WIF1: variants seen among roughly 807,000 people sequenced by gnomAD.
WIF1 encodes the protein Wnt inhibitory factor 1.
Under a neutral mutation model 53.5 loss-of-function variants are expected in WIF1, and 35 were observed. The ratio of observed to expected loss-of-function variants is 0.65; its 90% CI spans 0.50 to 0.87. The LOEUF is 0.87. WIF1 is among the 40% of genes least tolerant of loss of function. The probability of loss-of-function intolerance (pLI) is 0.00; values close to 1 mark genes in which losing one functional copy is unlikely to be tolerated. For synonymous variants in WIF1, 171 were observed against 170.4 expected (o/e 1.00, Z -0.03); for missense variants, 467 against 476.8 (o/e 0.98, Z 0.19).
intron 2 of WIF1, among the ~76,000 whole-genome samples, chr12:65,118,444 T>C (rs1883545771): frequency 6.6e-6 from 1 of 152,198 alleles, no homozygotes; most frequent in African/African-American, 2.4e-5. Context: ...CTGCTTGGTA[T>C]TGTGTAGATT....
At chr12:65,066,295 G>A (rs1882685420) in intron 6 of WIF1, among the ~76,000 whole-genome samples, 1 of 152,036 alleles carries the variant, frequency 6.6e-6, no homozygotes, top group Non-Finnish European at 1.5e-5. Context: ...TTTATTTTTA[G>A]CAGTGCTTAC....
intron 2 of WIF1, among the ~76,000 whole-genome samples, chr12:65,101,673 G>C (rs566854980): frequency 1.3e-5 from 2 of 152,320 alleles, no homozygotes; most frequent in Admixed American, 1.3e-4. Context: ...AGAAATGATA[G>C]TGACCGAACA....
chr12:65,097,098 C>T (rs928899878), intron 2 of WIF1, among the ~76,000 whole-genome samples: 2 of 150,196 alleles, frequency 1.3e-5, no homozygotes, highest in African/African-American at 4.9e-5. Flanking sequence ...TAATCTGATT[C>T]ATGATTTGTG....
intron 2 of WIF1, among the ~76,000 whole-genome samples, chr12:65,100,136 T>G (rs1176047586): frequency 2.6e-5 from 4 of 152,192 alleles, no homozygotes; most frequent in African/African-American, 9.7e-5. Flanking sequence ...CCTTATTATG[T>G]TCAAAAGGAA....
chr12:65,064,851 C>T (rs554512357), intron 6 of WIF1, among the ~76,000 whole-genome samples: 7 of 152,292 alleles, frequency 4.6e-5, no homozygotes, highest in Admixed American at 1.3e-4. Context: ...ACAATGGCCA[C>T]GCCTACATAA....
intron 2 of WIF1, among the ~76,000 whole-genome samples, chr12:65,116,957 AAAAAT>A (rs1215378229): frequency 2.2e-5 from 3 of 135,130 alleles, no homozygotes; most frequent in South Asian, 5.0e-4. Context: ...AAAAAAAAAA[AAAAAT>A]TGTCTTCCGT....
At chr12:65,075,381 G>A (rs561486566) in intron 3 of WIF1, among the ~76,000 whole-genome samples, 1 of 152,258 alleles carries the variant, frequency 6.6e-6, no homozygotes, top group Non-Finnish European at 1.5e-5. Flanking sequence ...CTTGACATCT[G>A]ACAAAATTTA....
intron 8 of WIF1, among the ~76,000 whole-genome samples, 182 bp from the exon 9 acceptor site, chr12:65,055,395 A>G (rs2136607568): frequency 6.6e-6 from 1 of 152,278 alleles, no homozygotes; most frequent in East Asian, 1.9e-4. Flanking sequence ...CCTGAGAATG[A>G]TCTTTAAGCA....
At chr12:65,088,827 G>A (rs1447030600) in intron 2 of WIF1, among the ~76,000 whole-genome samples, 8 of 151,582 alleles carry the variant, frequency 5.3e-5, no homozygotes, top group South Asian at 2.1e-4. Flanking sequence ...GGGTCTATGC[G>A]TCCTTAGAGA....
chr12:65,075,617 G>T (rs1882849731), intron 3 of WIF1, among the ~76,000 whole-genome samples: 1 of 151,990 alleles, frequency 6.6e-6, no homozygotes, highest in Non-Finnish European at 1.5e-5. Flanking sequence ...AAATAATTCA[G>T]GTTAGAGCCT....
At chr12:65,068,951 A>G (rs1565751027) in intron 3 of WIF1, 47 bp from the exon 4 acceptor site, 1 of 1,586,582 alleles carries the variant, frequency 6.3e-7, no homozygotes, top group Non-Finnish European at 8.6e-7. Context: ...AATCTAGTTG[A>G]TTCTAGTTTT....
intron 7 of WIF1, among the ~76,000 whole-genome samples, chr12:65,058,614 C>T (rs1023049830): frequency 1.3e-5 from 2 of 152,170 alleles, no homozygotes; most frequent in African/African-American, 4.8e-5. Flanking sequence ...TCATGAAGAT[C>T]TGATTGTTTT....
In WIF1 at chr12:65,050,806, C is replaced by T. The variant is rs1200661173; in HGVS notation, c.*543G>A. The T allele has an allele frequency of 1.0e-5, 2 of 198,486 alleles. No homozygotes were observed. Among genetic ancestry groups the T allele is most frequent in the African/African-American group, 4.8e-5 (2 of 41,918 alleles). 12.3% of individuals were successfully genotyped at this position (198,486 alleles called of 1,614,324 possible). A position where few individuals can be genotyped will look rare whatever the true frequency, so the allele number is the denominator to read the frequency against. ...TATTATATTGTTTAAATGCCACTAC[C>T]ACAGTGTAATTTTTTTTTTTTTAAT... On this transcript the variant is annotated 3_prime_UTR_variant, in exon 10 of 10. Coordinates refer to ENST00000286574, the MANE Select transcript of WIF1 (RefSeq NM_007191.5).
intron 2 of WIF1, among the ~76,000 whole-genome samples, chr12:65,091,275 A>G (rs1325880524): frequency 6.7e-6 from 1 of 149,708 alleles, no homozygotes; most frequent in African/African-American, 2.4e-5. Context: ...CATAGAGAGG[A>G]AATCCCATGT....
chr12:65,078,351 T>TTACA (rs2136621996), intron 2 of WIF1, among the ~76,000 whole-genome samples: 1 of 152,318 alleles, frequency 6.6e-6, no homozygotes, highest in Non-Finnish European at 1.5e-5. Context: ...AGTGCTGGGA[T>TTACA]TACAGGCTTT....
rs865835885 is a variant in WIF1 at position 65,101,845 on chromosome 12, A to G, written c.288+18572T>C. ...TCAGTGTGATACTCTGAGTTCAGAG[A>G]GTGGGACACCATTCACTTAGAGTGG... is the stretch of plus-strand genomic sequence containing the variant. On this transcript the variant is annotated intron_variant, in intron 2 of 9. Coordinates refer to ENST00000286574, the MANE Select transcript of WIF1 (RefSeq NM_007191.5). Among the ~76,000 whole-genome samples, 3 of 152,218 alleles carry G rather than the reference A, an allele frequency of 2.0e-5. No homozygotes were observed. The South Asian group carries it at 6.2e-4, about 31-fold the overall frequency.
intron 7 of WIF1, among the ~76,000 whole-genome samples, chr12:65,057,266 C>T (rs1030570337): frequency 6.6e-6 from 1 of 152,196 alleles, no homozygotes; most frequent in Non-Finnish European, 1.5e-5. Context: ...CACAACAATG[C>T]ATTTTCCTGG....
At chr12:65,054,162 C>T (rs1384768491) in intron 9 of WIF1, 1 of 148,204 alleles carries the variant, frequency 6.7e-6, no homozygotes, top group Non-Finnish European at 1.5e-5. Context: ...CCTCTTGCCT[C>T]AGCCTCCCAA....
At chr12:65,104,116 A>G (rs1328221921) in intron 2 of WIF1, among the ~76,000 whole-genome samples, 3 of 152,184 alleles carry the variant, frequency 2.0e-5, no homozygotes, top group African/African-American at 7.2e-5. Context: ...CCAGTAATAA[A>G]TGAGATAATC....
Sources: gnomAD v4.1 joint callset for allele counts (sites outside exome capture counted in the v4.1 genomes callset) on GRCh38, gnomAD v4.1.1 for gene constraint, MANE v1.5 for transcripts, NCBI Gene and HGNC (gene_info 2026-07-23, HGNC 2026-07-21) for gene names.